CAMK1D: variants seen among roughly 807,000 people sequenced by gnomAD.
CAMK1D encodes calcium/calmodulin dependent protein kinase ID.
In CAMK1D, 9 loss-of-function variants were observed where a neutral mutation model predicts 47.7. The observed-to-expected ratio is 0.19, with a 90% CI of 0.11 to 0.33. The LOEUF (loss-of-function observed/expected upper bound fraction) is 0.33. Among genes scored for constraint, CAMK1D ranks in the 10% least tolerant of loss-of-function variants. CAMK1D has a pLI of 1.00. For missense variants in CAMK1D, 291 were observed against 488.7 expected, an observed-to-expected ratio of 0.60 and a Z score of 3.81; for synonymous variants, 184 against 184.9, an observed-to-expected ratio of 0.99 and a Z score of 0.04.
At chr10:12,482,692 C>T (rs1190884391) in intron 1 of CAMK1D, among the ~76,000 whole-genome samples, 1 of 152,188 alleles carries the variant, frequency 6.6e-6, no homozygotes, top group African/African-American at 2.4e-5. Context: ...GCTTGATGAA[C>T]AGCCTGTGGC....
intron 3 of CAMK1D, among the ~76,000 whole-genome samples, chr10:12,695,847 G>A (rs1261071114): frequency 1.3e-5 from 2 of 152,150 alleles, no homozygotes; most frequent in East Asian, 3.9e-4. Context: ...GGCAGGCCGA[G>A]GCGGGTGGAT....
At chr10:12,541,915 A>C (rs1588614033) in intron 1 of CAMK1D, among the ~76,000 whole-genome samples, 2 of 95,832 alleles carry the variant, frequency 2.1e-5, no homozygotes, top group Non-Finnish European at 2.1e-5. Context: ...TCTCTTTGTC[A>C]CCCTGGCTGG....
chr10:12,789,681 C>A (rs1352722930), intron 5 of CAMK1D, among the ~76,000 whole-genome samples: 1 of 152,232 alleles, frequency 6.6e-6, no homozygotes, highest in Non-Finnish European at 1.5e-5. Flanking sequence ...ACCTCTCATA[C>A]CTCTGTGTCC....
chr10:12,830,873 C>G lies in CAMK1D; in HGVS notation c.*1986C>G, dbSNP rs1449573066. 2 of 151,048 alleles carry G rather than the reference C, an allele frequency of 1.3e-5. No homozygotes were observed. Among genetic ancestry groups the G allele is most frequent in the African/African-American group, 4.9e-5 (2 of 40,554 alleles). 9.4% of individuals were successfully genotyped at this position (151,048 alleles called of 1,614,324 possible). A position where few individuals can be genotyped will look rare whatever the true frequency, so the allele number is the denominator to read the frequency against. ...TGAGTCATCTTTGTCACTTCTACAC[C>G]TTTGAGTATGTACAGGCTGAATGTT... On this transcript the variant is annotated 3_prime_UTR_variant, in exon 11 of 11. Coordinates refer to ENST00000619168, the MANE Select transcript of CAMK1D (RefSeq NM_153498.4).
intron 1 of CAMK1D, among the ~76,000 whole-genome samples, chr10:12,386,486 A>T (rs1224831971): frequency 1.3e-5 from 2 of 152,054 alleles, no homozygotes; most frequent in African/African-American, 4.8e-5. Context: ...AAAAAAAAAA[A>T]TGAAACTGCT....
intron 6 of CAMK1D, among the ~76,000 whole-genome samples, chr10:12,809,241 T>C (rs1832499824): frequency 6.6e-6 from 1 of 152,226 alleles, no homozygotes; most frequent in Non-Finnish European, 1.5e-5. Flanking sequence ...ATTAGTGATA[T>C]TGAGCATTTT....
At chr10:12,803,462 A>C (rs1838572441) in intron 6 of CAMK1D, among the ~76,000 whole-genome samples, 1 of 152,138 alleles carries the variant, frequency 6.6e-6, no homozygotes, top group African/African-American at 2.4e-5. Context: ...CGGGCAGGTC[A>C]CTTGAGGTCA....
At chr10:12,602,087 C>T (rs1313430026) in intron 2 of CAMK1D, among the ~76,000 whole-genome samples, 2 of 152,242 alleles carry the variant, frequency 1.3e-5, no homozygotes, top group Admixed American at 6.5e-5. Context: ...GTTCTGTTTG[C>T]CTTCCTCATA....
chr10:12,700,263 G>T (rs1228606690), intron 3 of CAMK1D, among the ~76,000 whole-genome samples: 1 of 152,164 alleles, frequency 6.6e-6, no homozygotes, highest in Non-Finnish European at 1.5e-5. Flanking sequence ...ACTCCCAGTT[G>T]CGCAGGCCTG....
chr10:12,563,693 GAGAGAGGGAGA>G (rs1837024159), intron 2 of CAMK1D, among the ~76,000 whole-genome samples: 1 of 63,814 alleles, frequency 1.6e-5, no homozygotes, highest in African/African-American at 5.0e-5. Flanking sequence ...GAGAGAGAGA[GAGAGAGGGAGA>G]GAGAGGGAGA....
At chr10:12,789,752 G>A (rs987107165) in intron 5 of CAMK1D, among the ~76,000 whole-genome samples, 1 of 152,210 alleles carries the variant, frequency 6.6e-6, no homozygotes, top group Non-Finnish European at 1.5e-5. Flanking sequence ...AAGGATTGTT[G>A]GGGTGAGTGA....
At chr10:12,602,866 A>G (rs1185751834) in intron 2 of CAMK1D, among the ~76,000 whole-genome samples, 2 of 126,828 alleles carry the variant, frequency 1.6e-5, no homozygotes, top group African/African-American at 2.6e-5. Context: ...AGTGACTCCC[A>G]TAAGCATCAC....
chr10:12,673,265 A>G (rs1452116991), intron 3 of CAMK1D, among the ~76,000 whole-genome samples: 1 of 152,072 alleles, frequency 6.6e-6, no homozygotes, highest in East Asian at 1.9e-4. Context: ...GACAGCTTAA[A>G]ACATGTAGCC....
intron 3 of CAMK1D, among the ~76,000 whole-genome samples, chr10:12,753,990 A>G (rs1477053688): frequency 1.3e-5 from 2 of 152,120 alleles, no homozygotes; most frequent in African/African-American, 4.8e-5. Context: ...TCCCGGGCTC[A>G]AGCGATTCTC....
intron 3 of CAMK1D, among the ~76,000 whole-genome samples, chr10:12,743,272 A>C (rs1479288512): frequency 6.6e-6 from 1 of 151,132 alleles, no homozygotes; most frequent in Non-Finnish European, 1.5e-5. Flanking sequence ...ACTTGAACCC[A>C]GGAGGCAGAG....
intron 6 of CAMK1D, among the ~76,000 whole-genome samples, chr10:12,793,118 T>A (rs2248896): frequency 0.42 from 64,124 of 151,900 alleles, 13,900 homozygotes; most frequent in East Asian, 0.55. Context: ...TCAGAGGTCC[T>A]GCCTCATCCA....
intron 1 of CAMK1D, among the ~76,000 whole-genome samples, chr10:12,441,252 C>T (rs1832776056): frequency 1.3e-5 from 2 of 152,286 alleles, no homozygotes; most frequent in South Asian, 4.1e-4. Context: ...GGCTGGAGTG[C>T]AGTGGTGCGA....
intron 2 of CAMK1D, among the ~76,000 whole-genome samples, chr10:12,665,397 C>T (rs1261410994): frequency 6.6e-6 from 1 of 152,214 alleles, no homozygotes; most frequent in Non-Finnish European, 1.5e-5. Context: ...TTCCGTTTTT[C>T]CTAACTAAAT....
At chr10:12,527,151 T>C (rs1297327780) in intron 1 of CAMK1D, among the ~76,000 whole-genome samples, 1 of 152,042 alleles carries the variant, frequency 6.6e-6, no homozygotes, top group Non-Finnish European at 1.5e-5. Context: ...CCAGTAGCAG[T>C]GTAACCTCAT....
Sources: allele counts gnomAD v4.1 joint callset (sites outside exome capture counted in the v4.1 genomes callset), GRCh38; gene constraint gnomAD v4.1.1; transcripts MANE v1.5; gene names NCBI Gene and HGNC (gene_info 2026-07-23, HGNC 2026-07-21).